Variants in ZC2HC1B observed in about 807,000 individuals in gnomAD.
ZC2HC1B encodes zinc finger C2HC domain-containing protein 1B.
In ZC2HC1B, 36 loss-of-function variants were observed where a neutral mutation model predicts 31.0. The observed-to-expected ratio is 1.16, with a 90% confidence interval of 0.89 to 1.54. ZC2HC1B has a LOEUF of 1.54. Among genes scored for constraint, ZC2HC1B ranks in the 40% most tolerant of loss-of-function variants. ZC2HC1B has a pLI of 0.00. For missense variants in ZC2HC1B, 260 were observed against 268.6 expected, an observed-to-expected ratio of 0.97 and a Z score of 0.22; for synonymous variants, 73 against 88.0, an observed-to-expected ratio of 0.83 and a Z score of 0.95.
intron 6 of ZC2HC1B, among the ~76,000 whole-genome samples, chr6:143,935,358 T>C (rs1562350793): frequency 1.3e-5 from 2 of 151,936 alleles, no homozygotes; most frequent in Non-Finnish European, 2.9e-5. Context: ...TTCCCAATGG[T>C]GGGCACAAGC....
intron 6 of ZC2HC1B, among the ~76,000 whole-genome samples, chr6:143,937,391 CAGT>C (rs1213436587): frequency 2.0e-5 from 3 of 152,128 alleles, no homozygotes; most frequent in Non-Finnish European, 4.4e-5. Context: ...ACTTGAGGTG[CAGT>C]CCAAAGTCCA....
intron 1 of ZC2HC1B, among the ~76,000 whole-genome samples, chr6:143,874,876 A>G (rs1435409294): frequency 6.6e-6 from 1 of 152,122 alleles, no homozygotes; most frequent in Non-Finnish European, 1.5e-5. Flanking sequence ...TCTGTTACCC[A>G]GACTGCAGTG....
At chr6:143,919,551 C>T (rs1335870211) in intron 6 of ZC2HC1B, among the ~76,000 whole-genome samples, 1 of 152,106 alleles carries the variant, frequency 6.6e-6, no homozygotes, top group Non-Finnish European at 1.5e-5. Context: ...ACAACAATGG[C>T]CACCTGCCTC....
Position 143,933,174 on chromosome 6 carries a change from AG to A in ZC2HC1B, c.599-4473del, listed in dbSNP as rs1351512178. Among the ~76,000 whole-genome samples, 1 of 152,236 alleles carries A rather than the reference AG, an allele frequency of 6.6e-6. No individual in the cohort carries two copies. Among genetic ancestry groups the A allele is most frequent in the African/African-American group, 2.4e-5 (1 of 41,460 alleles). On this transcript the variant is annotated intron_variant, in intron 6 of 7. Coordinates refer to ENST00000237275, the MANE Select transcript of ZC2HC1B (RefSeq NM_001013623.3). The surrounding 1 kb of genome is among the most constrained non-coding windows in gnomAD (Gnocchi z 6.4). ...ACAGACTCGGGACCACTGGTTAGCC[AG>A]GATGTTTCAGGCAGTGGAATTAGCT...
rs1305746494 is a variant in ZC2HC1B at position 143,924,074 on chromosome 6, A to G, written c.599-13575A>G. Among the ~76,000 whole-genome samples, 1 of 152,144 alleles carries G rather than the reference A, an allele frequency of 6.6e-6. No homozygotes were observed. Among genetic ancestry groups the G allele is most frequent in the East Asian group, 1.9e-4 (1 of 5,198 alleles). On this transcript the variant is annotated intron_variant, in intron 6 of 7. Transcript: ENST00000237275. This position sits in a 1 kb window ranked among gnomAD's most constrained non-coding sequence, Gnocchi z 5.2. ...TTAACAATAGTAATTCTTCTGAGTC[A>G]TGAGCATGGGATATCTTTCCATTTG... is the stretch of plus-strand genomic sequence containing the variant.
intron 5 of ZC2HC1B, among the ~76,000 whole-genome samples, chr6:143,902,473 G>A (rs1777748266): frequency 6.6e-6 from 1 of 152,058 alleles, no homozygotes; most frequent in South Asian, 2.1e-4. Context: ...TTATCCTGCA[G>A]TTCCGTGGAA....
intron 6 of ZC2HC1B, among the ~76,000 whole-genome samples, chr6:143,904,706 T>A (rs1300662360): frequency 6.6e-6 from 1 of 152,202 alleles, no homozygotes; most frequent in Non-Finnish European, 1.5e-5. Flanking sequence ...GGTTTACTCC[T>A]ATGTTTTTGT....
chr6:143,900,390 C>CA (rs200482247), intron 5 of ZC2HC1B, among the ~76,000 whole-genome samples: 27,057 of 83,964 alleles, frequency 0.32, 3,055 homozygotes, highest in East Asian at 0.58. Flanking sequence ...AACTCCGTCT[C>CA]AAAAAAAAAA....
chr6:143,902,367 T>C (rs1582964498), intron 5 of ZC2HC1B, among the ~76,000 whole-genome samples: 1 of 152,178 alleles, frequency 6.6e-6, no homozygotes, highest in Non-Finnish European at 1.5e-5. Flanking sequence ...CCTCTAAAAA[T>C]AGCTTTATTT....
rs1777495352 is a variant in ZC2HC1B at position 143,883,599 on chromosome 6, T to G, written c.29-705T>G. Among the ~76,000 whole-genome samples the G allele has an allele frequency of 6.6e-6, 1 of 152,224 alleles. No individual in the cohort carries two copies. The highest frequency in any genetic ancestry group is 1.5e-5 in the Non-Finnish European group (1 of 68,028). ...GAAGTGCTTTTTAAATCTTTACATA[T>G]TTGACTCCTGATGAACCAAAAGGAA... On this transcript the variant is annotated intron_variant, in intron 1 of 7. Coordinates refer to ENST00000237275, the MANE Select transcript of ZC2HC1B (RefSeq NM_001013623.3). The surrounding 1 kb of genome is among the most constrained non-coding windows in gnomAD (Gnocchi z 4.1).
intron 6 of ZC2HC1B, among the ~76,000 whole-genome samples, chr6:143,928,722 A>T (rs2128497614): frequency 6.6e-6 from 1 of 151,906 alleles, no homozygotes; most frequent in East Asian, 1.9e-4. Flanking sequence ...GTGAGAATGG[A>T]ATGTTTTCCC....
In ZC2HC1B at chr6:143,924,289, A is replaced by G. The variant is rs1485493763; in HGVS notation, c.599-13360A>G. On this transcript the variant is annotated intron_variant, in intron 6 of 7. Coordinates refer to ENST00000237275, the MANE Select transcript of ZC2HC1B (RefSeq NM_001013623.3). The surrounding 1 kb of genome is among the most constrained non-coding windows in gnomAD (Gnocchi z 5.2). ...GCTGATTTTTATATGTTGATTTTGT[A>G]TCCTGCAATTTTACTAAATTCATTT... is the stretch of plus-strand genomic sequence containing the variant. 6.6e-6 allele frequency among the ~76,000 whole-genome samples: 1 copy of G among 151,634 alleles called. No homozygotes were observed. Among genetic ancestry groups the G allele is most frequent in the Non-Finnish European group, 1.5e-5 (1 of 67,892 alleles).
rs553445772 is a variant in ZC2HC1B, at chr6:143,903,784, A to G, written c.598+632A>G. 6.6e-5 allele frequency among the ~76,000 whole-genome samples: 10 copies of G among 152,364 alleles called. No homozygotes were observed. Among genetic ancestry groups the G allele is most frequent in the African/African-American group, 2.2e-4 (9 of 41,588 alleles). On this transcript the variant is annotated intron_variant, in intron 6 of 7. Coordinates refer to ENST00000237275, the MANE Select transcript of ZC2HC1B (RefSeq NM_001013623.3). The surrounding 1 kb of genome is among the most constrained non-coding windows in gnomAD (Gnocchi z 4.3). ...AACCTAGGCACATCCTCCTGTATAC[A>G]CTAAATCATCTCCAGATTACTTATA...
At position 143,872,399 on chromosome 6, in the gene ZC2HC1B, G is replaced by T. The variant is rs185464997; in HGVS notation, c.28+7832G>T. ...ATTAGTCAGTGCCAGAGCTCTATAT[G>T]TGTCAGACTATTCTGATTGTTGCCA... is the stretch of plus-strand genomic sequence containing the variant. On this transcript the variant is annotated intron_variant, in intron 1 of 7. Transcript: ENST00000237275. The surrounding 1 kb of genome is among the most constrained non-coding windows in gnomAD (Gnocchi z 5.5). 2.0e-4 allele frequency among the ~76,000 whole-genome samples: 30 copies of T among 152,304 alleles called. No homozygotes were observed. The highest frequency in any genetic ancestry group is 7.2e-4 in the African/African-American group (30 of 41,566).
At chr6:143,890,575 T>C (rs1336828302) in intron 4 of ZC2HC1B, among the ~76,000 whole-genome samples, 1 of 152,042 alleles carries the variant, frequency 6.6e-6, no homozygotes, top group African/African-American at 2.4e-5. Flanking sequence ...TATTCAACAC[T>C]GTACTATTGA....
intron 1 of ZC2HC1B, among the ~76,000 whole-genome samples, chr6:143,876,821 G>A (rs879555254): frequency 3.3e-5 from 5 of 150,164 alleles, no homozygotes; most frequent in African/African-American, 7.4e-5. Flanking sequence ...GGTTAGGCCA[G>A]TCTAGTTTTT....
chr6:143,882,593 C>T (rs1388760509), intron 1 of ZC2HC1B, among the ~76,000 whole-genome samples: 2 of 151,836 alleles, frequency 1.3e-5, no homozygotes, highest in Non-Finnish European at 2.9e-5. Flanking sequence ...CCTGTTCTCT[C>T]CTGTTTCTCC....
intron 1 of ZC2HC1B, among the ~76,000 whole-genome samples, chr6:143,875,335 T>TAGGAG (rs1777392801): frequency 6.6e-6 from 1 of 151,396 alleles, no homozygotes; most frequent in African/African-American, 2.4e-5. Context: ...ACTAATCCAC[T>TAGGAG]CCACCATCAT....
chr6:143,926,858 A>T (rs1264277946), intron 6 of ZC2HC1B, among the ~76,000 whole-genome samples: 1 of 109,304 alleles, frequency 9.1e-6, no homozygotes, highest in Admixed American at 1.2e-4. Flanking sequence ...TTTTTTTGAG[A>T]CGGAGTCTCG....
Sources: gnomAD v4.1 joint callset for allele counts (sites outside exome capture counted in the v4.1 genomes callset) on GRCh38, gnomAD v4.1.1 for gene constraint, Gnocchi (gnomAD v3.1) non-coding constraint, MANE v1.5 for transcripts, NCBI Gene and HGNC (gene_info 2026-07-23, HGNC 2026-07-21) for gene names.